Variants in ANO1 observed in about 807,000 individuals in gnomAD.
The protein encoded by ANO1 is anoctamin 1.
A neutral mutation model predicts 124.0 loss-of-function variants in ANO1; 59 were observed. That is an observed-to-expected ratio of 0.48 (90% confidence interval 0.39 to 0.59). The LOEUF (loss-of-function observed/expected upper bound fraction) is 0.59. Among genes scored for constraint, ANO1 ranks in the 20% least tolerant of loss-of-function variants. ANO1 has a pLI of 0.00. For missense variants in ANO1, 1,059 were observed against 1,328.0 expected (o/e 0.80, Z 3.15); for synonymous variants, 529 against 532.0 (o/e 0.99, Z 0.08).
intron 1 of ANO1, among the ~76,000 whole-genome samples, chr11:70,014,629 A>G (rs1856666948): frequency 6.6e-6 from 1 of 151,894 alleles, no homozygotes; most frequent in Admixed American, 6.6e-5. Context: ...TCTCTTGGGG[A>G]ACGTCTGGGA....
chr11:70,024,950 G>C (rs1253535280), intron 1 of ANO1, among the ~76,000 whole-genome samples: 8 of 152,238 alleles, frequency 5.3e-5, no homozygotes, highest in African/African-American at 1.9e-4. Flanking sequence ...AGGGAGTTGT[G>C]GGGTGGGACA....
chr11:70,186,352 G>GAGGGAGGA (rs1482653844), intron 25 of ANO1, among the ~76,000 whole-genome samples: 1,672 of 126,864 alleles, frequency 0.013, 16 homozygotes, highest in Non-Finnish European at 0.019. Flanking sequence ...GAGGGGGAGG[G>GAGGGAGGA]AGGAAGGAAG....
At chr11:70,006,568 TTTCTTTCTTTCTTACTTAC>T (rs1856488583) in intron 1 of ANO1, among the ~76,000 whole-genome samples, 1 of 109,380 alleles carries the variant, frequency 9.1e-6, no homozygotes, top group Non-Finnish European at 2.1e-5. Context: ...CTTTCTTTTC[TTTCTTTCTTTCTTACTTAC>T]TTTCTTTCTT....
chr11:70,068,119 T>A (rs530731234), intron 1 of ANO1, among the ~76,000 whole-genome samples: 71 of 152,284 alleles, frequency 4.7e-4, no homozygotes, highest in Non-Finnish European at 9.3e-4. Flanking sequence ...ATGGGGCTTT[T>A]GTGGTGGGTG....
At chr11:70,130,799 A>G (rs1245923932) in intron 10 of ANO1, among the ~76,000 whole-genome samples, 1 of 152,204 alleles carries the variant, frequency 6.6e-6, no homozygotes, top group Non-Finnish European at 1.5e-5. Flanking sequence ...GTGAGCCTAC[A>G]GGGTGGGCCT....
chr11:70,061,079 T>C (rs1366096160), intron 1 of ANO1, among the ~76,000 whole-genome samples: 1 of 151,892 alleles, frequency 6.6e-6, no homozygotes, highest in Non-Finnish European at 1.5e-5. Context: ...GTGGTGGAGA[T>C]TGGGGTCTGG....
chr11:70,078,870 G>A (rs147409340), intron 1 of ANO1, among the ~76,000 whole-genome samples, 156 bp downstream of exon 1: 14,579 of 150,696 alleles, frequency 0.097, 999 homozygotes, highest in Admixed American at 0.19. Context: ...CGTGCGTGCC[G>A]GGAAGGGCGC....
At chr11:70,152,168 C>T (rs2047625710) in intron 12 of ANO1, among the ~76,000 whole-genome samples, 1 of 151,976 alleles carries the variant, frequency 6.6e-6, no homozygotes. Flanking sequence ...AACCCTGTCT[C>T]TACTAAAAAT....
At chr11:70,073,204 G>T (rs1056263278) in intron 1 of ANO1, among the ~76,000 whole-genome samples, 16 of 151,216 alleles carry the variant, frequency 1.1e-4, no homozygotes, top group Admixed American at 5.4e-4. Context: ...GTCCCGCTGC[G>T]GGGAGTCCGA....
At position 70,105,804 on chromosome 11, in the gene ANO1, G is replaced by A. The variant is rs141178802; in HGVS notation, c.747+16G>A. The A allele has an allele frequency of 4.8e-5, 78 of 1,611,698 alleles. No individual in the cohort carries two copies. Among genetic ancestry groups the A allele is most frequent in the African/African-American group, 1.9e-4 (14 of 74,942 alleles). On this transcript the variant is annotated intron_variant, in intron 5 of 25. Coordinates refer to ENST00000355303, the MANE Select transcript of ANO1 (RefSeq NM_018043.7). Reference sequence around the variant, plus strand: ...GAGCACGATTGTAAGTATCGCACGCGCCTGGAAACGGCTCACTGGCAAGAT... The same window carrying A: ...GAGCACGATTGTAAGTATCGCACGCACCTGGAAACGGCTCACTGGCAAGAT...
At chr11:69,973,057 G>A in the ANO1 span, among the ~76,000 whole-genome samples, 1 of 152,042 alleles carries the variant, frequency 6.6e-6, no homozygotes, top group Non-Finnish European at 1.5e-5. Flanking sequence ...TTACAGGCGT[G>A]TGCCACCACA....
intron 2 of ANO1, among the ~76,000 whole-genome samples, chr11:70,095,137 C>T (rs1269172004): frequency 5.3e-5 from 8 of 150,866 alleles, no homozygotes; most frequent in African/African-American, 9.8e-5. Context: ...ACCCAGGAGG[C>T]GGAGGTTGCA....
intron 1 of ANO1, among the ~76,000 whole-genome samples, chr11:70,019,037 A>AG (rs1374848947): frequency 6.6e-6 from 1 of 152,232 alleles, no homozygotes; most frequent in Non-Finnish European, 1.5e-5. Context: ...CATGTGGCGG[A>AG]GGGGGGCCTG....
At chr11:69,978,334 T>C in the ANO1 span, among the ~76,000 whole-genome samples, 1 of 152,084 alleles carries the variant, frequency 6.6e-6, no homozygotes, top group African/African-American at 2.4e-5. Context: ...CTACCTTCTG[T>C]GTTTTTTCTT....
intron 8 of ANO1, among the ~76,000 whole-genome samples, chr11:70,117,100 C>CTTTTTTTTTTTT (rs756764991): frequency 4.9e-5 from 3 of 61,546 alleles, no homozygotes; most frequent in African/African-American, 1.3e-4. Context: ...TTGTTTCTTT[C>CTTTTTTTTTTTT]TTTTTTTTTT....
At chr11:70,130,812 G>T (rs556327277) in intron 10 of ANO1, among the ~76,000 whole-genome samples, 1 of 152,172 alleles carries the variant, frequency 6.6e-6, no homozygotes, top group Admixed American at 6.5e-5. Flanking sequence ...GTGGGCCTCC[G>T]CTGCACCGGG....
chr11:70,187,815 C>A lies in ANO1; in HGVS notation c.2772C>A (p.His924Gln). The stretch of plus-strand genomic sequence containing the variant: ...CCAAGGACATCAGCCAGCAGATCCA[C>A]AAGGAGAAGGTGCTCATGGTGGAGC... ...DIPKDISQQI[H>Q]KEKVLMVELF... Residue 924 changes from histidine (H) to glutamine (Q), a missense_variant, in exon 26 of 26, where the codon CAC becomes CAA. Physicochemically the swap from His to Gln is conservative, Grantham distance 24. Coordinates refer to ENST00000355303, the MANE Select transcript of ANO1 (RefSeq NM_018043.7). 6.2e-7 allele frequency: 1 copy of A among 1,609,518 alleles called. No individual in the cohort carries two copies. Among genetic ancestry groups the A allele is most frequent in the Non-Finnish European group, 8.5e-7 (1 of 1,178,156 alleles).
intron 11 of ANO1, among the ~76,000 whole-genome samples, chr11:70,135,173 G>T (rs2135542276): frequency 6.6e-6 from 1 of 152,032 alleles, no homozygotes; most frequent in East Asian, 1.9e-4. Context: ...CTGGCCCTGG[G>T]GACCCTGATT....
In ANO1 at chr11:70,100,490, C is replaced by A. The variant is rs564156624; in HGVS notation, c.442-2576C>A. 5.8e-4 allele frequency among the ~76,000 whole-genome samples: 88 copies of A among 152,318 alleles called. 2 individuals are homozygous for A. Among genetic ancestry groups the A allele is most frequent in the Non-Finnish European group, 1.6e-4 (11 of 68,020 alleles). ...GGCCACAGCCAGGGGACGCCTGGAG[C>A]CCCCGGAAGCTGGGAGAGGCAGGAA... is the stretch of plus-strand genomic sequence containing the variant. On this transcript the variant is annotated intron_variant, in intron 2 of 25. Coordinates refer to ENST00000355303, the MANE Select transcript of ANO1 (RefSeq NM_018043.7).
Sources: allele counts gnomAD v4.1 joint callset (sites outside exome capture counted in the v4.1 genomes callset), GRCh38; gene constraint gnomAD v4.1.1; transcripts MANE v1.5; gene names NCBI Gene and HGNC (gene_info 2026-07-23, HGNC 2026-07-21).